TMCO5A: variants seen among roughly 807,000 people sequenced by gnomAD.
TMCO5A encodes the protein transmembrane and coiled-coil domain-containing protein 5A.
TMCO5A carries 34 observed loss-of-function variants against 42.3 expected under a neutral mutation model. The observed-to-expected ratio is 0.80, with a 90% CI of 0.61 to 1.07. The LOEUF (loss-of-function observed/expected upper bound fraction) is 1.07, where lower values mean the gene tolerates loss of function less well. Among genes scored for constraint, TMCO5A ranks in the 50% least tolerant of loss-of-function variants. The probability of loss-of-function intolerance (pLI) is 0.00; values close to 1 mark genes in which losing one functional copy is unlikely to be tolerated. For missense variants in TMCO5A, 357 were observed against 327.9 expected, an observed-to-expected ratio of 1.09 and a Z score of -0.69; for synonymous variants, 131 against 115.6, an observed-to-expected ratio of 1.13 and a Z score of -0.86.
chr15:37,975,553 G>C, the TMCO5A span, among the ~76,000 whole-genome samples: 2,259 of 151,118 alleles, frequency 0.015, 178 homozygotes, highest in African/African-American at 0.053. Context: ...AATTAGAACA[G>C]CAACCCCTGC....
Position 37,947,680 on chromosome 15 carries a change from A to C in TMCO5A, c.652A>C (p.Arg218=), listed in dbSNP as rs779535585. The change falls in exon 11 of 12, where the codon AGA becomes CGA. Residue 218 remains arginine, a synonymous_variant. Transcript: ENST00000319669. ...NEGTPTQKTA[R]LFSKKIFCCL... is the part of the protein sequence containing the mutation. Reference sequence around the variant, plus strand: ...GGGTACTCCTACCCAAAAGACAGCAAGATTATTCAGTAAAAAGTAAGTAAA... The same window carrying C: ...GGGTACTCCTACCCAAAAGACAGCACGATTATTCAGTAAAAAGTAAGTAAA... 1.2e-6 allele frequency: 2 copies of C among 1,600,842 alleles called. No individual in the cohort carries two copies. Among genetic ancestry groups the C allele is most frequent in the South Asian group, 2.2e-5 (2 of 89,348 alleles).
At chr15:38,032,926 C>CTTTTTT in the TMCO5A span, among the ~76,000 whole-genome samples, 2 of 100,156 alleles carry the variant, frequency 2.0e-5, no homozygotes, top group African/African-American at 7.3e-5. Flanking sequence ...AATTTGGTCT[C>CTTTTTT]TTTTTTTTTT....
chr15:38,030,175 G>T, the TMCO5A span, among the ~76,000 whole-genome samples: 2 of 152,234 alleles, frequency 1.3e-5, no homozygotes, highest in African/African-American at 4.8e-5. Flanking sequence ...CATATTGATT[G>T]TCTCCTAGCC....
the TMCO5A span, among the ~76,000 whole-genome samples, chr15:38,012,254 T>C: frequency 6.6e-6 from 1 of 152,206 alleles, no homozygotes; most frequent in Non-Finnish European, 1.5e-5. Context: ...CAATGGTCAC[T>C]CCATATGTCT....
the TMCO5A span, among the ~76,000 whole-genome samples, chr15:38,010,381 T>A: frequency 2.7e-5 from 1 of 36,904 alleles, no homozygotes; most frequent in African/African-American, 1.4e-4. Flanking sequence ...AGACTCCGTC[T>A]CCAAAAAAAA....
At chr15:37,954,453 G>A (rs1283337824), downstream of TMCO5A, among the ~76,000 whole-genome samples, 1 of 152,114 alleles carries the variant, frequency 6.6e-6, no homozygotes. Context: ...GTATTCTGGT[G>A]AAAATGTCCT....
chr15:38,015,809 A>C, the TMCO5A span, among the ~76,000 whole-genome samples: 1 of 152,224 alleles, frequency 6.6e-6, no homozygotes, highest in Non-Finnish European at 1.5e-5. Flanking sequence ...GCCCAACTGA[A>C]AAGGCTTTTT....
chr15:37,974,370 T>C, the TMCO5A span, among the ~76,000 whole-genome samples: 1 of 152,210 alleles, frequency 6.6e-6, no homozygotes, highest in Non-Finnish European at 1.5e-5. Flanking sequence ...AATTTAGTTG[T>C]GACTTCATCT....
chr15:37,997,128 A>C, the TMCO5A span, among the ~76,000 whole-genome samples: 1 of 152,144 alleles, frequency 6.6e-6, no homozygotes. Flanking sequence ...TTTGACAGTC[A>C]TAAGTTCTGG....
downstream of TMCO5A, among the ~76,000 whole-genome samples, chr15:37,955,141 G>A (rs1189832712): frequency 6.6e-6 from 1 of 151,126 alleles, no homozygotes; most frequent in African/African-American, 2.4e-5. Context: ...CCAATCAAAG[G>A]ACATAGACTG....
At chr15:37,968,842 A>C (rs1890618578), downstream of TMCO5A, among the ~76,000 whole-genome samples, 1 of 152,024 alleles carries the variant, frequency 6.6e-6, no homozygotes, top group African/African-American at 2.4e-5. Flanking sequence ...CAGCCTCCCA[A>C]AGTGCTGGAA....
downstream of TMCO5A, among the ~76,000 whole-genome samples, chr15:37,955,768 C>G (rs916988967): frequency 1.3e-5 from 2 of 152,100 alleles, no homozygotes; most frequent in African/African-American, 4.8e-5. Flanking sequence ...ACAGAAGTCT[C>G]CACCCCAAAT....
the TMCO5A span, among the ~76,000 whole-genome samples, chr15:37,973,314 T>A: frequency 6.6e-6 from 1 of 152,164 alleles, no homozygotes; most frequent in Non-Finnish European, 1.5e-5. Context: ...AATAGTTTTT[T>A]ATAATTATGT....
intron 9 of TMCO5A, 29 bp from the exon 10 acceptor site, chr15:37,943,312 A>G: frequency 6.2e-7 from 1 of 1,609,182 alleles, no homozygotes; most frequent in Non-Finnish European, 8.5e-7. Flanking sequence ...CACTTTGTTC[A>G]ATTTCTGTCC....
At chr15:37,970,832 C>G (rs1252022060), downstream of TMCO5A, among the ~76,000 whole-genome samples, 1 of 152,198 alleles carries the variant, frequency 6.6e-6, no homozygotes, top group Non-Finnish European at 1.5e-5. Context: ...GTCTCATATC[C>G]AGGTCATGCT....
chr15:37,983,452 C>A, the TMCO5A span, among the ~76,000 whole-genome samples: 1 of 152,186 alleles, frequency 6.6e-6, no homozygotes, highest in Non-Finnish European at 1.5e-5. Flanking sequence ...AGGCATTGAG[C>A]AGATGGCTGG....
the TMCO5A span, among the ~76,000 whole-genome samples, chr15:37,985,917 G>A: frequency 1.3e-5 from 2 of 151,914 alleles, no homozygotes; most frequent in African/African-American, 4.8e-5. Context: ...TCTCTGTGGA[G>A]TTAATATCTT....
the TMCO5A span, among the ~76,000 whole-genome samples, chr15:38,038,021 A>T: frequency 1.5e-4 from 23 of 152,078 alleles, no homozygotes; most frequent in African/African-American, 4.8e-4. Context: ...TCAAAAAAAA[A>T]AAATAAAAAA....
the TMCO5A span, among the ~76,000 whole-genome samples, chr15:38,003,888 C>CCAG: frequency 6.6e-6 from 1 of 152,134 alleles, no homozygotes; most frequent in Non-Finnish European, 1.5e-5. Context: ...TGGTGCTCTA[C>CCAG]ACCGCTGAGT....
Sources: gnomAD v4.1 joint callset for allele counts (sites outside exome capture counted in the v4.1 genomes callset) on GRCh38, gnomAD v4.1.1 for gene constraint, MANE v1.5 for transcripts, NCBI Gene and HGNC (gene_info 2026-07-23, HGNC 2026-07-21) for gene names.